The following DENND1A variants were observed in gnomAD, a reference collection of about 807,000 sequenced individuals.
DENND1A encodes the protein DENN domain containing 1A.
In DENND1A, 51 loss-of-function variants were observed where a neutral mutation model predicts 113.7. That is an observed-to-expected ratio of 0.45 (90% CI 0.36 to 0.57). The LOEUF (loss-of-function observed/expected upper bound fraction) is 0.57. Among genes scored for constraint, DENND1A ranks in the 20% least tolerant of loss-of-function variants. The pLI, the probability that DENND1A is intolerant of heterozygous loss-of-function variation, is 0.00. For missense variants in DENND1A, 1,258 were observed against 1,395.9 expected (o/e 0.90, Z 1.57); for synonymous variants, 565 against 570.8 (o/e 0.99, Z 0.14).
At chr9:123,871,686 C>A (rs575137925) in intron 2 of DENND1A, among the ~76,000 whole-genome samples, 3 of 152,200 alleles carry the variant, frequency 2.0e-5, no homozygotes, top group African/African-American at 7.2e-5. Flanking sequence ...AGCACCATGT[C>A]TTAGGCATGC....
rs147487838 is a variant in DENND1A, at chr9:123,871,658, G to C, written c.88+7293C>G. Among the ~76,000 whole-genome samples, 121 of 152,222 alleles carry C rather than the reference G, an allele frequency of 7.9e-4. 1 individual carries two copies. In the East Asian group the frequency reaches 0.019, roughly 25 times the overall value. ...GTTGCTGCTTAACACCCACGTATCT[G>C]AGAAACTCAGCAACCAAAGCACCAT... On this transcript the variant is annotated intron_variant, in intron 2 of 23. Transcript: ENST00000394215.
At chr9:123,916,952 G>C (rs1016095610) in intron 1 of DENND1A, among the ~76,000 whole-genome samples, 1 of 152,012 alleles carries the variant, frequency 6.6e-6, no homozygotes, top group Admixed American at 6.6e-5. Flanking sequence ...CACTTTGGGA[G>C]GCCAAAGTGG....
intron 13 of DENND1A, among the ~76,000 whole-genome samples, chr9:123,541,255 T>TG (rs2056266638): frequency 6.6e-6 from 1 of 152,200 alleles, no homozygotes; most frequent in African/African-American, 2.4e-5. Flanking sequence ...TTTAGCAAGT[T>TG]GGGGATAATA....
chr9:123,721,351 A>G (rs185101619), intron 5 of DENND1A, among the ~76,000 whole-genome samples: 43 of 152,298 alleles, frequency 2.8e-4, no homozygotes, highest in African/African-American at 1.0e-3. Flanking sequence ...CTGCAGAAGC[A>G]CTGTGCTCCC....
chr9:123,683,488 T>G (rs1038642802), intron 5 of DENND1A, among the ~76,000 whole-genome samples: 6 of 152,200 alleles, frequency 3.9e-5, no homozygotes, highest in Non-Finnish European at 7.3e-5. Flanking sequence ...CATTATTCTT[T>G]CTAAGAATTA....
chr9:123,553,948 G>T (rs569083113), intron 13 of DENND1A, among the ~76,000 whole-genome samples: 118 of 152,294 alleles, frequency 7.7e-4, no homozygotes, highest in African/African-American at 2.7e-3. Flanking sequence ...AGTAGAGACA[G>T]GATGTCACCA....
rs920035306 is a variant in DENND1A at position 123,928,576 on chromosome 9, A to T, written c.17+1313T>A. On this transcript the variant is annotated intron_variant, in intron 1 of 23. Coordinates refer to ENST00000394215, the MANE Select transcript of DENND1A (RefSeq NM_001352964.2). ...AAAGATTTAACAGAGTGTTCATGCGACTCTTCCATTTTCATTACCATAAGC... is the reference window on the plus strand; with the variant it reads ...AAAGATTTAACAGAGTGTTCATGCGTCTCTTCCATTTTCATTACCATAAGC... The T allele has an allele frequency of 9.1e-6, 9 of 984,870 alleles. No individual in the cohort carries two copies. The African/African-American group carries it at 1.6e-4, about 17-fold the overall frequency. 61.0% of individuals were successfully genotyped at this position (984,870 alleles called of 1,614,324 possible).
chr9:123,690,307 T>C (rs1203806856), intron 5 of DENND1A, among the ~76,000 whole-genome samples: 3 of 152,230 alleles, frequency 2.0e-5, no homozygotes, highest in Non-Finnish European at 4.4e-5. Context: ...TGCATTCTTT[T>C]CTGTGTCTTC....
intron 2 of DENND1A, among the ~76,000 whole-genome samples, chr9:123,851,161 C>G (rs532385062): frequency 6.6e-6 from 1 of 152,322 alleles, no homozygotes; most frequent in Admixed American, 6.5e-5. Flanking sequence ...TTGTGCTCCT[C>G]CGTAATCTAT....
rs1339569014 is a variant in DENND1A at position 123,630,483 on chromosome 9, C to T, written c.619-7G>A. The stretch of plus-strand genomic sequence containing the variant: ...CGTGGATGCAGGCAGTCAGCTGGAA[C>T]AGAGCAAAGCAGAGATCAATGAACA... On this transcript the variant is annotated splice_polypyrimidine_tract_variant and splice_region_variant and intron_variant, in intron 9 of 23. Transcript: ENST00000394215. 1 of 1,545,574 alleles carries T rather than the reference C, an allele frequency of 6.5e-7. No individual in the cohort carries two copies. Among genetic ancestry groups the T allele is most frequent in the Non-Finnish European group, 8.8e-7 (1 of 1,142,022 alleles).
In DENND1A at chr9:123,499,647, C is replaced by A. The variant is rs540204900; in HGVS notation, c.994-41750G>T. On this transcript the variant is annotated intron_variant, in intron 13 of 23. Transcript: ENST00000394215. ...ACTAAGGGCTGGCAGTTGGAGCCTGCAATTTACCGCCAAACCCACACACTT... is the reference window on the plus strand; with the variant it reads ...ACTAAGGGCTGGCAGTTGGAGCCTGAAATTTACCGCCAAACCCACACACTT... Among the ~76,000 whole-genome samples the A allele has an allele frequency of 2.6e-5, 4 of 152,346 alleles. No homozygotes were observed. In the East Asian group the frequency reaches 7.7e-4, roughly 29 times the overall value.
Position 123,498,414 on chromosome 9 carries a change from C to CG in DENND1A, c.994-40518_994-40517insC, listed in dbSNP as rs1342396315. On this transcript the variant is annotated intron_variant, in intron 13 of 23. Coordinates refer to ENST00000394215, the MANE Select transcript of DENND1A (RefSeq NM_001352964.2). Reference sequence around the variant, plus strand: ...GAGCTTGTCCAAGATCACCAGCGTGCTGGTCAACAGCTGAGCTTGTCCAAC... The same window carrying CG: ...GAGCTTGTCCAAGATCACCAGCGTGCGTGGTCAACAGCTGAGCTTGTCCAAC... 2.6e-5 allele frequency among the ~76,000 whole-genome samples: 4 copies of CG among 152,238 alleles called. No individual in the cohort carries two copies. In the East Asian group the frequency reaches 7.7e-4, roughly 29 times the overall value.
chr9:123,819,834 G>A (rs1838176164), intron 2 of DENND1A, among the ~76,000 whole-genome samples: 1 of 152,150 alleles, frequency 6.6e-6, no homozygotes. Context: ...ACCATGCCCA[G>A]CTGGGATTAG....
At chr9:123,656,415 G>C (rs1291347110) in intron 8 of DENND1A, among the ~76,000 whole-genome samples, 4 of 152,126 alleles carry the variant, frequency 2.6e-5, no homozygotes, top group Non-Finnish European at 5.9e-5. Context: ...GCCATATTCT[G>C]GGAAAGAAAT....
intron 13 of DENND1A, among the ~76,000 whole-genome samples, chr9:123,550,402 G>A (rs1420195759): frequency 6.6e-6 from 1 of 151,268 alleles, no homozygotes; most frequent in African/African-American, 2.4e-5. Context: ...CTCCCATAGT[G>A]CTCCATCTAC....
Position 123,440,474 on chromosome 9 carries a change from G to A in DENND1A, c.1374C>T (p.Gly458=), listed in dbSNP as rs2046847677. The change falls in exon 19 of 24, where the codon GGC becomes GGT. Residue 458 remains glycine (G), a synonymous_variant. Coordinates refer to ENST00000394215, the MANE Select transcript of DENND1A (RefSeq NM_001352964.2). ...GCTGCTCTTCTGGGGTGGGGGCGCA[G>A]CCATTCTCGGCAATGTCCTGTAGGG... is the stretch of plus-strand genomic sequence containing the variant. The part of the protein sequence containing the change: ...RLKQKDIAEN[G]CAPTPEEQLP... 3 of 1,571,580 alleles carry A rather than the reference G, an allele frequency of 1.9e-6. No individual in the cohort carries two copies. Among genetic ancestry groups the A allele is most frequent in the East Asian group, 4.7e-5 (2 of 42,436 alleles).
intron 13 of DENND1A, among the ~76,000 whole-genome samples, chr9:123,524,513 T>G (rs1328364400): frequency 6.6e-6 from 1 of 152,200 alleles, no homozygotes; most frequent in Non-Finnish European, 1.5e-5. Flanking sequence ...AGCCATGCCC[T>G]GTCTCCAAAT....
At chr9:123,918,533 A>C (rs1855654033) in intron 1 of DENND1A, among the ~76,000 whole-genome samples, 1 of 152,030 alleles carries the variant, frequency 6.6e-6, no homozygotes, top group African/African-American at 2.4e-5. Context: ...CAAAGATAGG[A>C]CAAATTAAAC....
chr9:123,655,994 G>T (rs1418400381), intron 8 of DENND1A, among the ~76,000 whole-genome samples: 1 of 152,236 alleles, frequency 6.6e-6, no homozygotes, highest in African/African-American at 2.4e-5. Context: ...TGGGGTGGGA[G>T]GGACATTAGA....
Sources: allele counts gnomAD v4.1 joint callset (sites outside exome capture counted in the v4.1 genomes callset), GRCh38; gene constraint gnomAD v4.1.1; transcripts MANE v1.5; gene names NCBI Gene and HGNC (gene_info 2026-07-23, HGNC 2026-07-21).